The following CAMK2B variants were observed in gnomAD, a reference collection of about 807,000 sequenced individuals.
The protein encoded by CAMK2B is calcium/calmodulin dependent protein kinase II beta.
In CAMK2B, 27 loss-of-function variants were observed where a neutral mutation model predicts 93.7. That is an observed-to-expected ratio of 0.29 (90% confidence interval 0.21 to 0.40). The LOEUF is 0.40. Among genes scored for constraint, CAMK2B ranks in the 10% least tolerant of loss-of-function variants. The probability of loss-of-function intolerance (pLI) is 1.00; values close to 1 mark genes in which losing one functional copy is unlikely to be tolerated. For missense variants in CAMK2B, 568 were observed against 895.8 expected, an observed-to-expected ratio of 0.63 and a Z score of 4.67; for synonymous variants, 374 against 358.8, an observed-to-expected ratio of 1.04 and a Z score of -0.48.
At chr7:44,268,169 G>A (rs184102767) in intron 2 of CAMK2B, 104 of 152,450 alleles carry the variant, frequency 6.8e-4, no homozygotes, top group African/African-American at 2.3e-3. Flanking sequence ...CCAGGACGCC[G>A]AAGACGCCCT....
chr7:44,285,395 C>T lies in CAMK2B; in HGVS notation c.66-1170G>A, dbSNP rs74582596. Among the ~76,000 whole-genome samples, 941 of 152,276 alleles carry T rather than the reference C, an allele frequency of 6.2e-3. 7 individuals carry two copies. The highest frequency in any genetic ancestry group is 0.021 in the African/African-American group (884 of 41,560). On this transcript the variant is annotated intron_variant, in intron 1 of 23. Coordinates refer to ENST00000395749, the MANE Select transcript of CAMK2B (RefSeq NM_001220.5). ...CAGGTGGGCACCCACCCGTGCAAAC[C>T]CGAGCACGCAGGGCCCTCCTGTGTT...
At chr7:44,273,443 C>T (rs1391530096) in intron 2 of CAMK2B, among the ~76,000 whole-genome samples, 1 of 152,206 alleles carries the variant, frequency 6.6e-6, no homozygotes, top group Non-Finnish European at 1.5e-5. Context: ...ACCAAGGTGC[C>T]TAGACTCTCC....
intron 1 of CAMK2B, among the ~76,000 whole-genome samples, chr7:44,307,832 C>T (rs1792338569): frequency 6.6e-6 from 1 of 152,130 alleles, no homozygotes; most frequent in Admixed American, 6.5e-5. Flanking sequence ...TTTCTGTGAG[C>T]TGTTGCTGCT....
rs957051439 is a variant in CAMK2B, at chr7:44,286,970, AC to A, written c.66-2746del. 3.9e-5 allele frequency among the ~76,000 whole-genome samples: 6 copies of A among 152,214 alleles called. No individual in the cohort carries two copies. The highest frequency in any genetic ancestry group is 1.2e-4 in the African/African-American group (5 of 41,532). The stretch of plus-strand genomic sequence containing the variant: ...GCAGGAAGGGACCAGGGGTGCAGGG[AC>A]CAGGGGTGCAGGGCCCGGGGGTGAA... On this transcript the variant is annotated intron_variant, in intron 1 of 23. Coordinates refer to ENST00000395749, the MANE Select transcript of CAMK2B (RefSeq NM_001220.5). This position sits in a 1 kb window ranked among gnomAD's most constrained non-coding sequence, Gnocchi z 4.0.
At chr7:44,279,970 G>C (rs1179434568) in intron 2 of CAMK2B, among the ~76,000 whole-genome samples, 1 of 152,164 alleles carries the variant, frequency 6.6e-6, no homozygotes, top group African/African-American at 2.4e-5. Context: ...CCTCAGGACT[G>C]CCTCTCCCAG....
intron 2 of CAMK2B, chr7:44,263,954 T>C (rs996613181): frequency 1.3e-5 from 2 of 154,668 alleles, no homozygotes; most frequent in Admixed American, 1.3e-4. Context: ...GTGCTCTTAT[T>C]TACACAAAGG....
chr7:44,262,939 C>T (rs1562947134), intron 3 of CAMK2B, 66 bp downstream of exon 3: 5 of 1,381,326 alleles, frequency 3.6e-6, no homozygotes, highest in Non-Finnish European at 5.1e-6. Flanking sequence ...GATAGAGAAA[C>T]CGGAATGGGC....
chr7:44,245,211 C>T (rs1486448752), intron 6 of CAMK2B, among the ~76,000 whole-genome samples: 3 of 152,158 alleles, frequency 2.0e-5, no homozygotes, highest in Non-Finnish European at 2.9e-5. Flanking sequence ...AGCTCTCAGG[C>T]TGTGCCCACC....
chr7:44,247,014 T>A, intron 6 of CAMK2B, 106 bp downstream of exon 6: 2 of 865,186 alleles, frequency 2.3e-6, no homozygotes, highest in Non-Finnish European at 3.8e-6. Flanking sequence ...ACCTCACCCC[T>A]CCAAGCTCCA....
intron 2 of CAMK2B, among the ~76,000 whole-genome samples, chr7:44,283,466 C>A (rs1175304433): frequency 6.6e-6 from 1 of 152,210 alleles, no homozygotes; most frequent in Non-Finnish European, 1.5e-5. Flanking sequence ...ATGCTGAGGG[C>A]CACTTGGGGC....
intron 16 of CAMK2B, among the ~76,000 whole-genome samples, chr7:44,231,317 C>A (rs998846582): frequency 6.6e-6 from 1 of 152,220 alleles, no homozygotes; most frequent in African/African-American, 2.4e-5. Context: ...TGGGAGGGCG[C>A]CCCTCACCAG....
upstream of CAMK2B, chr7:44,325,988 G>C (rs911358622): frequency 3.9e-5 from 6 of 152,266 alleles, no homozygotes; most frequent in Non-Finnish European, 5.8e-5. Flanking sequence ...ACATAACACA[G>C]AAGAGTGCAC....
chr7:44,262,003 G>A (rs751010028), intron 3 of CAMK2B, among the ~76,000 whole-genome samples: 6 of 152,232 alleles, frequency 3.9e-5, no homozygotes, highest in Non-Finnish European at 7.3e-5. Context: ...TGGGGCTGCC[G>A]CTTTCCATGC....
intron 1 of CAMK2B, among the ~76,000 whole-genome samples, chr7:44,322,657 C>T (rs187980714): frequency 1.3e-5 from 2 of 152,376 alleles, no homozygotes; most frequent in Admixed American, 6.5e-5. Context: ...GAAGGGCACA[C>T]ACTCCCTATA....
intron 2 of CAMK2B, among the ~76,000 whole-genome samples, chr7:44,273,640 G>A (rs116946594): frequency 0.026 from 3,975 of 152,186 alleles, 89 homozygotes; most frequent in Non-Finnish European, 0.041. Flanking sequence ...GGAGACAGCC[G>A]GGACACTGGC....
chr7:44,298,435 C>T (rs1187752033), intron 1 of CAMK2B, among the ~76,000 whole-genome samples: 3 of 152,104 alleles, frequency 2.0e-5, no homozygotes, highest in African/African-American at 7.2e-5. Context: ...TTACAAAACA[C>T]TTAGAAGAAA....
At chr7:44,300,838 C>A (rs979493131) in intron 1 of CAMK2B, among the ~76,000 whole-genome samples, 1 of 152,216 alleles carries the variant, frequency 6.6e-6, no homozygotes, top group Non-Finnish European at 1.5e-5. Flanking sequence ...ATTTTCTTCT[C>A]AAGCTCACAT....
At chr7:44,241,387 C>A (rs1320279552) in intron 11 of CAMK2B, among the ~76,000 whole-genome samples, 1 of 152,220 alleles carries the variant, frequency 6.6e-6, no homozygotes, top group Non-Finnish European at 1.5e-5. Flanking sequence ...AGTGTGACTG[C>A]CAGAGGGTGA....
chr7:44,322,377 T>C (rs956558998), intron 1 of CAMK2B, among the ~76,000 whole-genome samples: 2 of 152,252 alleles, frequency 1.3e-5, no homozygotes, highest in Non-Finnish European at 2.9e-5. Flanking sequence ...AATATTTCTT[T>C]GTAATACTTC....
Sources: gnomAD v4.1 joint callset for allele counts (sites outside exome capture counted in the v4.1 genomes callset) on GRCh38, gnomAD v4.1.1 for gene constraint, Gnocchi (gnomAD v3.1) non-coding constraint, MANE v1.5 for transcripts, NCBI Gene and HGNC (gene_info 2026-07-23, HGNC 2026-07-21) for gene names.